KDM1A: variants seen among roughly 807,000 people sequenced by gnomAD.
The protein encoded by KDM1A is lysine demethylase 1A.
In KDM1A, 49 loss-of-function variants were observed where a neutral mutation model predicts 109.4. The ratio of observed to expected loss-of-function variants is 0.45; its 90% CI spans 0.36 to 0.57. The LOEUF is 0.57. KDM1A is among the 20% of genes least tolerant of loss of function. The pLI is 0.00. For synonymous variants in KDM1A, 380 were observed against 415.4 expected (o/e 0.91, Z 1.04); for missense variants, 668 against 1,116.6 (o/e 0.60, Z 5.73).
At chr1:23,082,411 G>A in intron 20 of KDM1A, 45 bp downstream of exon 20, 1 of 1,527,100 alleles carries the variant, frequency 6.5e-7, no homozygotes, top group South Asian at 1.3e-5. Flanking sequence ...GAAGAGGCCA[G>A]GATCTCATGA....
At chr1:23,047,321 T>A (rs1284511947) in intron 3 of KDM1A, among the ~76,000 whole-genome samples, 1 of 152,160 alleles carries the variant, frequency 6.6e-6, no homozygotes, top group African/African-American at 2.4e-5. Context: ...AAATAATTAT[T>A]GAGAGTTTTT....
intron 2 of KDM1A, among the ~76,000 whole-genome samples, chr1:23,035,514 AAATT>A (rs536384344): frequency 8.1e-4 from 123 of 152,290 alleles, no homozygotes; most frequent in African/African-American, 2.5e-3. Context: ...GCTGTTAGAT[AAATT>A]AACAAAAATC....
chr1:23,056,972 C>T (rs1417934235), intron 7 of KDM1A, among the ~76,000 whole-genome samples: 1 of 152,054 alleles, frequency 6.6e-6, no homozygotes, highest in Non-Finnish European at 1.5e-5. Flanking sequence ...AGTATGGACT[C>T]TCTGCCCCTG....
Position 23,044,411 on chromosome 1 carries a change from C to G in KDM1A, c.518-16C>G. On this transcript the variant is annotated splice_polypyrimidine_tract_variant and intron_variant, in intron 2 of 20. Transcript: ENST00000400181. ...TATGGAGTAAGGTCCCTGAGTTCTC[C>G]TCTTTCCTTCCACAGGGCAAGCAGG... 6 of 1,611,622 alleles carry G rather than the reference C, an allele frequency of 3.7e-6. No individual in the cohort carries two copies. Among genetic ancestry groups the G allele is most frequent in the Non-Finnish European group, 5.1e-6 (6 of 1,178,916 alleles).
At position 23,079,159 on chromosome 1, in the gene KDM1A, A is replaced by G. The variant is rs1254907805; in HGVS notation, c.2037A>G (p.Gly679=). 1.2e-6 allele frequency: 2 copies of G among 1,613,982 alleles called. No individual in the cohort carries two copies. Among genetic ancestry groups the G allele is most frequent in the African/African-American group, 2.7e-5 (2 of 74,918 alleles). The change falls in exon 17 of 21, where the codon GGA becomes GGG. Residue 679 remains glycine (G), a synonymous_variant. Coordinates refer to ENST00000400181, the MANE Select transcript of KDM1A (RefSeq NM_001009999.3). The surrounding 1 kb of genome is among the most constrained non-coding windows in gnomAD (Gnocchi z 5.6). ...AAACATCTGCAGTCCAAAGGATGGGATTTGGCAACCTTAACAAGGTAGCTT... is the reference window on the plus strand; with the variant it reads ...AAACATCTGCAGTCCAAAGGATGGGGTTTGGCAACCTTAACAAGGTAGCTT... ...EWKTSAVQRM[G]FGNLNKVVLC... is the part of the protein sequence containing the mutation.
intron 2 of KDM1A, among the ~76,000 whole-genome samples, chr1:23,032,178 T>A (rs573040044): frequency 1.3e-5 from 2 of 152,268 alleles, no homozygotes; most frequent in South Asian, 4.1e-4. Context: ...GGCTGACTTC[T>A]TAGTTCAAGG....
In KDM1A at chr1:23,069,082, A is replaced by G; in HGVS notation, c.1344A>G (p.Lys448=). The change falls in exon 12 of 21, where the codon AAA becomes AAG. Residue 448 remains lysine (K), a synonymous_variant. Transcript: ENST00000400181. ...TTAGGTTACAAGAGAAGCATGTCAA[A>G]GATGAGCAGATTGAACATTGGAAGA... is the stretch of plus-strand genomic sequence containing the variant. ...VVIQLQEKHV[K]DEQIEHWKKI... 6.2e-7 allele frequency: 1 copy of G among 1,610,250 alleles called. No homozygotes were observed. Among genetic ancestry groups the G allele is most frequent in the South Asian group, 1.1e-5 (1 of 90,150 alleles).
intron 2 of KDM1A, among the ~76,000 whole-genome samples, chr1:23,042,547 G>C (rs1456531603): frequency 7.1e-6 from 1 of 140,850 alleles, no homozygotes; most frequent in Non-Finnish European, 1.5e-5. Context: ...CCGCCTCCCG[G>C]GTTCACGCCA....
intron 3 of KDM1A, among the ~76,000 whole-genome samples, chr1:23,049,821 A>C (rs1269894015): frequency 2.0e-5 from 3 of 152,200 alleles, no homozygotes; most frequent in African/African-American, 7.2e-5. Context: ...TTCTGCCAGC[A>C]AATGTAAATT....
Position 23,059,165 on chromosome 1 carries a change from G to A in KDM1A, c.1165G>A (p.Ala389Thr). The A allele has an allele frequency of 6.2e-7, 1 of 1,609,904 alleles. No homozygotes were observed. Among genetic ancestry groups the A allele is most frequent in the East Asian group, 2.2e-5 (1 of 44,752 alleles). The change falls in exon 9 of 21, where the codon GCT becomes ACT. Residue 389 changes from alanine to threonine, a missense_variant and splice_region_variant. Ala to Thr is a moderately conservative substitution (Grantham distance 58). This residue lies in a region of KDM1A where 53 missense variants were observed against 122.5 expected (regional missense o/e 0.43). Transcript: ENST00000400181. ...CCCACTTTATGAAGCCAACGGACAAGCTGTAAGTCGAGGACAAACAGAACT... is the reference window on the plus strand; with the variant it reads ...CCCACTTTATGAAGCCAACGGACAAACTGTAAGTCGAGGACAAACAGAACT... ...KCPLYEANGQ[A>T]DTVKVPKEKD...
chr1:23,073,918 G>A (rs185462318), intron 15 of KDM1A, among the ~76,000 whole-genome samples: 2 of 152,286 alleles, frequency 1.3e-5, no homozygotes, highest in Admixed American at 1.3e-4. Flanking sequence ...CATTTGGGTT[G>A]TTTCCCTTTT....
chr1:23,071,401 C>G, intron 13 of KDM1A, 42 bp downstream of exon 13: 1 of 1,555,072 alleles, frequency 6.4e-7, no homozygotes, highest in South Asian at 1.2e-5. Context: ...ACTTGGAATC[C>G]TAAGAAATAG....
At chr1:23,045,415 A>T (rs1303276313) in intron 3 of KDM1A, among the ~76,000 whole-genome samples, 4 of 152,234 alleles carry the variant, frequency 2.6e-5, no homozygotes, top group African/African-American at 9.6e-5. Context: ...GCAATTAGTA[A>T]TAAGGGGATC....
At chr1:23,073,669 C>T (rs1366357650) in intron 15 of KDM1A, among the ~76,000 whole-genome samples, 1 of 152,192 alleles carries the variant, frequency 6.6e-6, no homozygotes. Flanking sequence ...GCTCTGGCTC[C>T]TGGCCCTGGA....
At chr1:23,066,728 A>G (rs372494033) in intron 10 of KDM1A, among the ~76,000 whole-genome samples, 19 of 152,334 alleles carry the variant, frequency 1.2e-4, no homozygotes, top group African/African-American at 4.3e-4. Context: ...TGATCAGTTA[A>G]GGTCTCATAA....
chr1:23,065,997 CTT>C lies in KDM1A; in HGVS notation c.1168-62_1168-61del, dbSNP rs143358399. ...TTTATTGCTGTCATACAAAACTAAA[CTT>C]GATGTGGCTGTTGGGCTGTTATTTA... On this transcript the variant is annotated intron_variant, in intron 9 of 20. Transcript: ENST00000400181. The C allele has an allele frequency of 1.0e-4, 159 of 1,594,734 alleles. No individual in the cohort carries two copies. The East Asian group carries it at 3.3e-3, about 33-fold the overall frequency.
At chr1:23,061,525 G>C (rs1465839007) in intron 9 of KDM1A, among the ~76,000 whole-genome samples, 1 of 152,126 alleles carries the variant, frequency 6.6e-6, no homozygotes, top group Non-Finnish European at 1.5e-5. Flanking sequence ...CTCAAATTTG[G>C]GAAGGGATTC....
At chr1:23,020,049 A>G in intron 1 of KDM1A, 102 bp downstream of exon 1, 1 of 1,224,048 alleles carries the variant, frequency 8.2e-7, no homozygotes. Flanking sequence ...CCCTGCGACC[A>G]CTCAGACCTC....
intron 9 of KDM1A, among the ~76,000 whole-genome samples, chr1:23,061,327 C>G (rs549001986): frequency 3.3e-4 from 51 of 152,252 alleles, no homozygotes; most frequent in African/African-American, 1.2e-3. Context: ...TTACCAGGAC[C>G]AGCCCTTTGA....
Sources: allele counts gnomAD v4.1 joint callset (sites outside exome capture counted in the v4.1 genomes callset), GRCh38; gene constraint gnomAD v4.1.1; regional missense constraint gnomAD v4.1.1; non-coding constraint Gnocchi (gnomAD v3.1); transcripts MANE v1.5; gene names NCBI Gene and HGNC (gene_info 2026-07-23, HGNC 2026-07-21).